Variants in MAN2A1 observed in about 807,000 individuals in gnomAD.
MAN2A1 encodes the protein mannosidase alpha class 2A member 1.
MAN2A1 carries 76 observed loss-of-function variants against 142.6 expected under a neutral mutation model. The ratio of observed to expected loss-of-function variants is 0.53; its 90% CI spans 0.44 to 0.65. MAN2A1 has a LOEUF of 0.65. MAN2A1 is among the 30% of genes least tolerant of loss of function. The probability of loss-of-function intolerance (pLI) is 0.00; values close to 1 mark genes in which losing one functional copy is unlikely to be tolerated. For synonymous variants in MAN2A1, 559 were observed against 473.2 expected (o/e 1.18, Z -2.35); for missense variants, 1,311 against 1,365.1 (o/e 0.96, Z 0.62).
chr5:109,811,232 C>G (rs1026637070), intron 12 of MAN2A1, among the ~76,000 whole-genome samples: 1 of 151,636 alleles, frequency 6.6e-6, no homozygotes, highest in African/African-American at 2.4e-5. Flanking sequence ...CATCTAGTAA[C>G]CATTTGTCTT....
chr5:109,829,861 T>C (rs1252384156), intron 16 of MAN2A1, among the ~76,000 whole-genome samples: 3 of 152,214 alleles, frequency 2.0e-5, no homozygotes, highest in Non-Finnish European at 2.9e-5. Context: ...TCTTGAAAAT[T>C]GGTGTAGTCT....
chr5:109,851,782 C>G (rs766057090), intron 19 of MAN2A1, among the ~76,000 whole-genome samples: 4 of 151,976 alleles, frequency 2.6e-5, no homozygotes, highest in African/African-American at 9.7e-5. Flanking sequence ...AGCTAGGAAC[C>G]CTGTAAGTGT....
chr5:109,692,524 A>G (rs1750700282), intron 1 of MAN2A1, among the ~76,000 whole-genome samples: 2 of 152,138 alleles, frequency 1.3e-5, no homozygotes, highest in Admixed American at 1.3e-4. Context: ...GGTAAAACTT[A>G]AGTGGCGAGG....
At chr5:109,784,973 AT>A (rs765485289) in intron 10 of MAN2A1, 47 bp downstream of exon 10, 1 of 1,359,376 alleles carries the variant, frequency 7.4e-7, no homozygotes, top group Non-Finnish European at 1.0e-6. Context: ...CATTAAAATT[AT>A]GGGTAATAAG....
At chr5:109,733,662 A>G (rs868278388) in intron 4 of MAN2A1, among the ~76,000 whole-genome samples, 30 of 152,210 alleles carry the variant, frequency 2.0e-4, no homozygotes, top group Admixed American at 7.9e-4. Flanking sequence ...GCTGGATTAC[A>G]TTTATTGATT....
intron 4 of MAN2A1, among the ~76,000 whole-genome samples, chr5:109,749,911 T>A (rs1421550738): frequency 2.0e-5 from 3 of 152,026 alleles, no homozygotes; most frequent in African/African-American, 4.8e-5. Context: ...TCATTACTTT[T>A]AAAAAATTGT....
intron 5 of MAN2A1, 68 bp downstream of exon 5, chr5:109,755,524 T>C: frequency 7.9e-7 from 1 of 1,263,608 alleles, no homozygotes; most frequent in Non-Finnish European, 1.1e-6. Flanking sequence ...GAAGTGAGGC[T>C]CTGTTCTTTT....
At chr5:109,740,261 T>C (rs1291966640) in intron 4 of MAN2A1, among the ~76,000 whole-genome samples, 1 of 152,178 alleles carries the variant, frequency 6.6e-6, no homozygotes, top group Non-Finnish European at 1.5e-5. Context: ...GTGTCCTGGT[T>C]GTAAATAGGA....
rs537739075 is a variant in MAN2A1, at chr5:109,812,547, C to T, written c.1944-4726C>T. 2.0e-5 allele frequency among the ~76,000 whole-genome samples: 3 copies of T among 152,082 alleles called. No individual in the cohort carries two copies. The South Asian group carries it at 6.2e-4, about 32-fold the overall frequency. On this transcript the variant is annotated intron_variant, in intron 12 of 21. Transcript: ENST00000261483. Reference sequence around the variant, plus strand: ...TTAATGTTTTTCTTTAGGTTATATTCCACTAATGAGGCTACTTAGAGAAGA... The same window carrying T: ...TTAATGTTTTTCTTTAGGTTATATTTCACTAATGAGGCTACTTAGAGAAGA...
At chr5:109,715,269 T>C (rs1441867251) in intron 2 of MAN2A1, among the ~76,000 whole-genome samples, 1 of 125,690 alleles carries the variant, frequency 8.0e-6, no homozygotes, top group African/African-American at 2.6e-5. Flanking sequence ...TTGTATTGAC[T>C]TTCATATAAT....
rs547041494 is a variant in MAN2A1, at chr5:109,787,480, C to G, written c.1761-1454C>G. Among the ~76,000 whole-genome samples the G allele has an allele frequency of 2.0e-5, 3 of 152,076 alleles. No individual in the cohort carries two copies. The South Asian group carries it at 6.2e-4, about 32-fold the overall frequency. On this transcript the variant is annotated intron_variant, in intron 10 of 21. Coordinates refer to ENST00000261483, the MANE Select transcript of MAN2A1 (RefSeq NM_002372.4). The stretch of plus-strand genomic sequence containing the variant: ...TTGAAACGTTTAGAATTTTGTTTTA[C>G]CCAATGTTTCCCAAATGTACTGTGT...
chr5:109,708,508 G>GTACACACACACACACACACACACACACA (rs1751202632), intron 1 of MAN2A1, among the ~76,000 whole-genome samples: 1 of 35,328 alleles, frequency 2.8e-5, no homozygotes, highest in African/African-American at 2.5e-4. Flanking sequence ...AGAACTGATA[G>GTACACACACACACACACACACACACACA]GACACACACA....
At chr5:109,801,555 G>A (rs137905601) in intron 12 of MAN2A1, among the ~76,000 whole-genome samples, 9 of 152,248 alleles carry the variant, frequency 5.9e-5, no homozygotes, top group Non-Finnish European at 7.4e-5. Context: ...GATAATGGTT[G>A]TTGGGTAGGA....
intron 15 of MAN2A1, among the ~76,000 whole-genome samples, chr5:109,822,244 A>G (rs1166616177): frequency 2.0e-5 from 3 of 151,102 alleles, no homozygotes; most frequent in Non-Finnish European, 4.4e-5. Context: ...CAGGATGGGC[A>G]GTGAGTCCCA....
chr5:109,736,158 A>G (rs2112596652), intron 4 of MAN2A1, among the ~76,000 whole-genome samples: 1 of 152,286 alleles, frequency 6.6e-6, no homozygotes, highest in South Asian at 2.1e-4. Context: ...TTAATATACC[A>G]GGATATGCAC....
intron 7 of MAN2A1, among the ~76,000 whole-genome samples, chr5:109,771,726 C>T (rs2112652749): frequency 6.6e-6 from 1 of 152,222 alleles, no homozygotes; most frequent in African/African-American, 2.4e-5. Flanking sequence ...AGTGTGGGGG[C>T]ACCCTGGCCT....
At chr5:109,841,264 A>G (rs1045994362) in intron 16 of MAN2A1, among the ~76,000 whole-genome samples, 6 of 152,042 alleles carry the variant, frequency 3.9e-5, no homozygotes, top group South Asian at 2.1e-4. Context: ...TATACACTGC[A>G]CTCTATTTGT....
intron 16 of MAN2A1, among the ~76,000 whole-genome samples, 182 bp downstream of exon 16, chr5:109,824,019 T>C (rs1157930948): frequency 6.6e-6 from 1 of 152,234 alleles, no homozygotes; most frequent in Non-Finnish European, 1.5e-5. Context: ...GTAAAACGTT[T>C]CAATCCCTAC....
intron 5 of MAN2A1, among the ~76,000 whole-genome samples, chr5:109,765,108 G>C (rs1002950262): frequency 6.6e-6 from 1 of 152,086 alleles, no homozygotes; most frequent in Non-Finnish European, 1.5e-5. Context: ...GTAGTCCACA[G>C]GCTGTATTCA....
Sources: gnomAD v4.1 joint callset for allele counts (sites outside exome capture counted in the v4.1 genomes callset) on GRCh38, gnomAD v4.1.1 for gene constraint, MANE v1.5 for transcripts, NCBI Gene and HGNC (gene_info 2026-07-23, HGNC 2026-07-21) for gene names.